SGIP1: variants seen among roughly 807,000 people sequenced by gnomAD.
SGIP1 encodes the protein SH3-containing GRB2-like protein 3-interacting protein 1.
Under a neutral mutation model 107.5 loss-of-function variants are expected in SGIP1, and 38 were observed. That is an observed-to-expected ratio of 0.35 (90% CI 0.27 to 0.46). The LOEUF (loss-of-function observed/expected upper bound fraction) is 0.46, where lower values mean the gene tolerates loss of function less well. SGIP1 is among the 20% of genes least tolerant of loss of function. SGIP1 has a pLI of 1.00. For synonymous variants in SGIP1, 365 were observed against 366.1 expected (o/e 1.00, Z 0.03); for missense variants, 929 against 1,019.5 (o/e 0.91, Z 1.21).
chr1:66,609,790 T>C lies in SGIP1; in HGVS notation c.11-16057T>C, dbSNP rs17129173. On this transcript the variant is annotated intron_variant, in intron 1 of 24. Transcript: ENST00000371037. ...AAACTTTTGAATTCAGCATATAATT[T>C]ATCTTGTAAATGTGACTATTTTAGA... Among the ~76,000 whole-genome samples, 1,352 of 152,330 alleles carry C rather than the reference T, an allele frequency of 8.9e-3. 16 individuals are homozygous for C. The highest frequency in any genetic ancestry group is 0.029 in the African/African-American group (1,194 of 41,580).
At chr1:66,572,110 A>G (rs553100091) in intron 1 of SGIP1, among the ~76,000 whole-genome samples, 10 of 152,128 alleles carry the variant, frequency 6.6e-5, no homozygotes, top group Admixed American at 3.3e-4. Flanking sequence ...TCGCCTGTCA[A>G]ATGAATGCCT....
intron 1 of SGIP1, among the ~76,000 whole-genome samples, chr1:66,608,133 G>A (rs1481422572): frequency 6.6e-6 from 1 of 152,206 alleles, no homozygotes; most frequent in Admixed American, 6.5e-5. Context: ...TCCATGCCAT[G>A]TTGGCAAATT....
At chr1:66,555,068 A>G (rs543882474) in intron 1 of SGIP1, among the ~76,000 whole-genome samples, 1 of 152,114 alleles carries the variant, frequency 6.6e-6, no homozygotes, top group African/African-American at 2.4e-5. Context: ...CTCTATTCAG[A>G]ATGCCTCTCC....
intron 1 of SGIP1, among the ~76,000 whole-genome samples, chr1:66,614,384 C>T (rs2068706395): frequency 6.6e-6 from 1 of 151,988 alleles, no homozygotes; most frequent in South Asian, 2.1e-4. Flanking sequence ...TGATTTATAG[C>T]CAAAGGATGG....
At position 66,684,014 on chromosome 1, in the gene SGIP1, GC is replaced by G. The variant is rs1221860415; in HGVS notation, c.1315+1648del. 7.3e-6 allele frequency: 11 copies of G among 1,514,396 alleles called. No individual in the cohort carries two copies. The Admixed American group carries it at 2.2e-4, about 31-fold the overall frequency. 93.8% of individuals were successfully genotyped at this position (1,514,396 alleles called of 1,614,324 possible). On this transcript the variant is annotated intron_variant, in intron 15 of 24. Transcript: ENST00000371037. ...TTATAGGCTTGAGCTACCGCGCCCAGCCCTAAATGCTTTTTGGCCCTAAATG... is the reference window on the plus strand; with the variant it reads ...TTATAGGCTTGAGCTACCGCGCCCAGCCTAAATGCTTTTTGGCCCTAAATG...
intron 1 of SGIP1, among the ~76,000 whole-genome samples, chr1:66,582,700 T>G (rs2148761767): frequency 6.6e-6 from 1 of 152,088 alleles, no homozygotes; most frequent in South Asian, 2.1e-4. Context: ...ACACATGGCT[T>G]TTTTTAGATG....
At chr1:66,618,643 A>T (rs2070079189) in intron 1 of SGIP1, among the ~76,000 whole-genome samples, 1 of 152,186 alleles carries the variant, frequency 6.6e-6, no homozygotes, top group African/African-American at 2.4e-5. Context: ...AAAGACAGGG[A>T]GTTAGTAATA....
intron 18 of SGIP1, among the ~76,000 whole-genome samples, chr1:66,707,667 A>C (rs1308456625): frequency 6.6e-6 from 1 of 152,202 alleles, no homozygotes; most frequent in Non-Finnish European, 1.5e-5. Flanking sequence ...AGAATGTGAC[A>C]GTTTCTCCCA....
At chr1:66,676,780 T>C (rs2085461388) in intron 12 of SGIP1, among the ~76,000 whole-genome samples, 1 of 152,026 alleles carries the variant, frequency 6.6e-6, no homozygotes, top group Non-Finnish European at 1.5e-5. Context: ...TATGTAGCTA[T>C]ATGTACACAC....
chr1:66,712,424 C>T (rs993591419), intron 18 of SGIP1, among the ~76,000 whole-genome samples: 1 of 152,146 alleles, frequency 6.6e-6, no homozygotes, highest in African/African-American at 2.4e-5. Context: ...CCTGCCCGAA[C>T]GCAGGCTTGC....
At chr1:66,644,979 T>G (rs2077417199) in intron 7 of SGIP1, among the ~76,000 whole-genome samples, 1 of 152,016 alleles carries the variant, frequency 6.6e-6, no homozygotes, top group Admixed American at 6.5e-5. Context: ...AATGGTGGTA[T>G]TTTAAAAGCA....
At chr1:66,636,945 T>A (rs946041700) in intron 4 of SGIP1, among the ~76,000 whole-genome samples, 1 of 152,184 alleles carries the variant, frequency 6.6e-6, no homozygotes. Context: ...TATGAAGACA[T>A]GATTAGCGTC....
chr1:66,727,542 G>A (rs1213754678), intron 19 of SGIP1, among the ~76,000 whole-genome samples: 1 of 152,176 alleles, frequency 6.6e-6, no homozygotes, highest in Non-Finnish European at 1.5e-5. Flanking sequence ...CTTACCAAGA[G>A]AAATGACAGG....
chr1:66,733,056 G>A (rs1201029543), intron 20 of SGIP1, among the ~76,000 whole-genome samples: 1 of 152,078 alleles, frequency 6.6e-6, no homozygotes, highest in African/African-American at 2.4e-5. Flanking sequence ...CTGTATACAG[G>A]CCTCTGAGCA....
intron 20 of SGIP1, among the ~76,000 whole-genome samples, chr1:66,733,525 G>A (rs1376825090): frequency 1.3e-5 from 2 of 152,124 alleles, no homozygotes; most frequent in African/African-American, 2.4e-5. Flanking sequence ...GAGATTGATA[G>A]CAACACAGTA....
chr1:66,573,127 TTAGA>T (rs2060603421), intron 1 of SGIP1, among the ~76,000 whole-genome samples: 2 of 152,166 alleles, frequency 1.3e-5, no homozygotes, highest in African/African-American at 4.8e-5. Context: ...TGTTCCAGAA[TTAGA>T]TAGTAGTGAT....
intron 1 of SGIP1, among the ~76,000 whole-genome samples, chr1:66,578,606 T>G (rs2061399714): frequency 1.3e-5 from 2 of 152,228 alleles, no homozygotes; most frequent in Non-Finnish European, 2.9e-5. Flanking sequence ...AAGTCCTGAC[T>G]GAGCCCAGCT....
intron 18 of SGIP1, among the ~76,000 whole-genome samples, chr1:66,715,984 G>A (rs773717343): frequency 5.3e-5 from 8 of 152,158 alleles, no homozygotes; most frequent in East Asian, 3.9e-4. Context: ...GTTCAAGCGC[G>A]GTGCTAAATG....
At chr1:66,553,198 T>A (rs866398253) in intron 1 of SGIP1, among the ~76,000 whole-genome samples, 1 of 152,076 alleles carries the variant, frequency 6.6e-6, no homozygotes, top group East Asian at 1.9e-4. Context: ...ACCACAACAG[T>A]CAGGCACTGG....
Sources: allele counts gnomAD v4.1 joint callset (sites outside exome capture counted in the v4.1 genomes callset), GRCh38; gene constraint gnomAD v4.1.1; transcripts MANE v1.5; gene names NCBI Gene and HGNC (gene_info 2026-07-23, HGNC 2026-07-21).